SLC5A1: variants seen among roughly 807,000 people sequenced by gnomAD.
The protein encoded by SLC5A1 is sodium/glucose cotransporter 1.
A neutral mutation model predicts 73.5 loss-of-function variants in SLC5A1; 42 were observed. The observed-to-expected ratio is 0.57, with a 90% CI of 0.45 to 0.74. The LOEUF (loss-of-function observed/expected upper bound fraction) is 0.74. SLC5A1 is among the 30% of genes least tolerant of loss of function. The pLI is 0.00. For synonymous variants in SLC5A1, 300 were observed against 317.4 expected, an observed-to-expected ratio of 0.95 and a Z score of 0.58; for missense variants, 634 against 855.4, an observed-to-expected ratio of 0.74 and a Z score of 3.23.
At chr22:32,097,915 A>C (rs929786977) in intron 11 of SLC5A1, among the ~76,000 whole-genome samples, 6 of 152,274 alleles carry the variant, frequency 3.9e-5, no homozygotes, top group African/African-American at 9.6e-5. Flanking sequence ...ATAATAAAAC[A>C]ACCAAATTAA....
At chr22:32,092,978 A>G (rs1289828342) in intron 11 of SLC5A1, among the ~76,000 whole-genome samples, 1 of 152,174 alleles carries the variant, frequency 6.6e-6, no homozygotes, top group East Asian at 1.9e-4. Context: ...TGATTTTTGT[A>G]TAAGGTGAGA....
chr22:32,091,239 T>C (rs946554764), intron 10 of SLC5A1, among the ~76,000 whole-genome samples: 1 of 151,658 alleles, frequency 6.6e-6, no homozygotes, highest in East Asian at 1.9e-4. Flanking sequence ...TGTTATATCA[T>C]AAATATTTCA....
chr22:32,089,888 T>C (rs8139891), intron 10 of SLC5A1, among the ~76,000 whole-genome samples: 3,115 of 152,278 alleles, frequency 0.02, 95 homozygotes, highest in African/African-American at 0.07. Flanking sequence ...TGTACACTCC[T>C]TGGTATGGGA....
intron 1 of SLC5A1, among the ~76,000 whole-genome samples, chr22:32,047,517 C>G (rs1041146172): frequency 1.7e-4 from 25 of 151,304 alleles, no homozygotes; most frequent in Non-Finnish European, 2.8e-4. Context: ...TCTTGCTATT[C>G]CCAAAAAAAC....
intron 5 of SLC5A1, among the ~76,000 whole-genome samples, chr22:32,077,207 TTTCC>T (rs2093992356): frequency 1.3e-5 from 2 of 151,666 alleles, no homozygotes; most frequent in African/African-American, 2.4e-5. Flanking sequence ...CCTTTCCCTC[TTTCC>T]TTCCTTCTTT....
At chr22:32,049,884 T>C in intron 1 of SLC5A1, 59 bp from the exon 2 acceptor site, 1 of 1,410,966 alleles carries the variant, frequency 7.1e-7, no homozygotes, top group Non-Finnish European at 1.0e-6. Context: ...GTATGTCCTT[T>C]TGGCTGGCAA....
At chr22:32,069,560 A>G (rs958952480) in intron 5 of SLC5A1, among the ~76,000 whole-genome samples, 5 of 152,190 alleles carry the variant, frequency 3.3e-5, no homozygotes, top group East Asian at 3.8e-4. Flanking sequence ...CACAAAAAAG[A>G]TAAGTATTTG....
chr22:32,101,437 G>T (rs1035942165), intron 12 of SLC5A1, among the ~76,000 whole-genome samples: 3 of 152,052 alleles, frequency 2.0e-5, no homozygotes, highest in Admixed American at 1.3e-4. Flanking sequence ...TAAAAACACA[G>T]TATAATTTTA....
At chr22:32,060,058 TACAC>T (rs1244270003) in intron 2 of SLC5A1, among the ~76,000 whole-genome samples, 3 of 144,142 alleles carry the variant, frequency 2.1e-5, no homozygotes, top group East Asian at 4.1e-4. Context: ...CACACATATA[TACAC>T]ACACATATAT....
intron 11 of SLC5A1, among the ~76,000 whole-genome samples, chr22:32,097,166 C>CT (rs1352524315): frequency 6.6e-6 from 1 of 152,234 alleles, no homozygotes; most frequent in Non-Finnish European, 1.5e-5. Context: ...TGCCCTGGGG[C>CT]TTGTCCCAGT....
chr22:32,075,070 CTTTTT>C (rs1045791303), intron 5 of SLC5A1, among the ~76,000 whole-genome samples: 1 of 107,684 alleles, frequency 9.3e-6, no homozygotes, highest in African/African-American at 3.4e-5. Flanking sequence ...CTATTTTTTA[CTTTTT>C]TTTTTTTTTT....
intron 5 of SLC5A1, among the ~76,000 whole-genome samples, chr22:32,079,388 A>G (rs1005726864): frequency 6.6e-6 from 1 of 152,236 alleles, no homozygotes; most frequent in Non-Finnish European, 1.5e-5. Flanking sequence ...AGAATCCTTT[A>G]TCTGTACTGT....
intron 2 of SLC5A1, among the ~76,000 whole-genome samples, chr22:32,060,201 T>A (rs867677391): frequency 1.2e-4 from 18 of 148,296 alleles, no homozygotes; most frequent in Admixed American, 4.0e-4. Context: ...ATATATATAT[T>A]TTTTTAAGAG....
intron 14 of SLC5A1, among the ~76,000 whole-genome samples, chr22:32,106,727 T>C (rs1338144545): frequency 1.3e-5 from 2 of 152,236 alleles, no homozygotes; most frequent in Non-Finnish European, 2.9e-5. Context: ...TTTCTTCTAC[T>C]TCAGTATTGC....
chr22:32,070,807 T>C (rs1253592778), intron 5 of SLC5A1, among the ~76,000 whole-genome samples: 1 of 152,228 alleles, frequency 6.6e-6, no homozygotes, highest in Non-Finnish European at 1.5e-5. Flanking sequence ...AAAAGTTTGC[T>C]TGTAGATTTT....
At chr22:32,060,767 G>A (rs1439490591) in intron 2 of SLC5A1, among the ~76,000 whole-genome samples, 1 of 151,802 alleles carries the variant, frequency 6.6e-6, no homozygotes, top group South Asian at 2.1e-4. Context: ...ACGGGGTCTC[G>A]CTATGTTACC....
chr22:32,059,456 G>A, intron 2 of SLC5A1: 1 of 613,458 alleles, frequency 1.6e-6, no homozygotes, highest in Non-Finnish European at 2.0e-6. Context: ...TTGATGAAGA[G>A]GGCATTCCAG....
At chr22:32,049,797 T>C in intron 1 of SLC5A1, 146 bp from the exon 2 acceptor site, 1 of 780,066 alleles carries the variant, frequency 1.3e-6, no homozygotes, top group Non-Finnish European at 2.3e-6. Context: ...CTAAGTCTTT[T>C]GAGGCTGCAG....
intron 11 of SLC5A1, among the ~76,000 whole-genome samples, chr22:32,096,334 C>T (rs1053753991): frequency 3.9e-5 from 6 of 152,150 alleles, no homozygotes; most frequent in African/African-American, 1.4e-4. Context: ...CTGCCTAAAT[C>T]CAAACAGTCT....
Sources: allele counts gnomAD v4.1 joint callset (sites outside exome capture counted in the v4.1 genomes callset), GRCh38; gene constraint gnomAD v4.1.1; transcripts MANE v1.5; gene names NCBI Gene and HGNC (gene_info 2026-07-23, HGNC 2026-07-21).